MPST: variants seen among roughly 807,000 people sequenced by gnomAD.
MPST encodes the protein mercaptopyruvate sulfurtransferase.
A neutral mutation model predicts 28.5 loss-of-function variants in MPST; 27 were observed. The observed-to-expected ratio is 0.95, with a 90% CI of 0.70 to 1.31. MPST has a LOEUF of 1.31. Ranked by LOEUF, MPST falls within the 50% of genes most tolerant of loss-of-function variation. The pLI is 0.00. For missense variants in MPST, 492 were observed against 471.1 expected, an observed-to-expected ratio of 1.04 and a Z score of -0.41; for synonymous variants, 204 against 209.3, an observed-to-expected ratio of 0.97 and a Z score of 0.22.
At position 37,024,744 on chromosome 22, in the gene MPST, C is replaced by T. The variant is rs1197851573; in HGVS notation, c.589C>T (p.Arg197Cys). The T allele has an allele frequency of 1.2e-6, 2 of 1,601,170 alleles. No individual in the cohort carries two copies. The highest frequency in any genetic ancestry group is 8.5e-7 in the Non-Finnish European group (1 of 1,179,756). ...CATCAAGGAGAACCTGGAATCCCGGCGCTTCCAGGTGGTGGACTCCCGAGC... is the reference window on the plus strand; with the variant it reads ...CATCAAGGAGAACCTGGAATCCCGGTGCTTCCAGGTGGTGGACTCCCGAGC... ...EDIKENLESR[R>C]FQVVDSRATG... The change falls in exon 2 of 3, where the codon CGC (arginine) becomes TGC (cysteine). Residue 197 changes from arginine to cysteine, a missense_variant. Physicochemically the swap from Arg to Cys is radical, Grantham distance 180. Coordinates refer to ENST00000429360, the MANE Select transcript of MPST (RefSeq NM_021126.8).
intron 1 of MPST, chr22:37,023,853 C>A: frequency 1.4e-6 from 2 of 1,408,068 alleles, no homozygotes; most frequent in Non-Finnish European, 1.9e-6. Flanking sequence ...GAGACTTTGC[C>A]CCTGTTTGTG....
Position 37,029,681 on chromosome 22 carries a change from T to A in MPST, c.*167T>A. ...ATTCCGTTGACTTGTTGGCTGCCAG[T>A]AGGGGCGGGAGGAAAGGCGGAGGCG... On this transcript the variant is annotated 3_prime_UTR_variant, in exon 3 of 3. Transcript: ENST00000429360. The A allele has an allele frequency of 5.5e-6, 4 of 724,966 alleles. No individual in the cohort carries two copies. The highest frequency in any genetic ancestry group is 8.9e-6 in the Non-Finnish European group (4 of 450,074). 44.9% of individuals were successfully genotyped at this position (724,966 alleles called of 1,614,324 possible). A position where few individuals can be genotyped will look rare whatever the true frequency, so the allele number is the denominator to read the frequency against.
Position 37,029,579 on chromosome 22 carries a change from C to T in MPST, c.*65C>T, listed in dbSNP as rs1203582549. 2.1e-6 allele frequency: 3 copies of T among 1,452,882 alleles called. No homozygotes were observed. The South Asian group carries it at 3.9e-5, about 19-fold the overall frequency. The allele number at this position is 1,452,882 out of a possible 1,614,324, so 90.0% of individuals were successfully genotyped here. A position where few individuals can be genotyped will look rare whatever the true frequency, so the allele number is the denominator to read the frequency against. On this transcript the variant is annotated 3_prime_UTR_variant, in exon 3 of 3. Coordinates refer to ENST00000429360, the MANE Select transcript of MPST (RefSeq NM_021126.8). ...ACCAGCAATGCCTGGCCTGGTAGCT[C>T]CGCTTCTGCTTTCACCAAGAGAGTG...
At chr22:37,025,149 C>G in intron 2 of MPST, 1 of 1,363,862 alleles carries the variant, frequency 7.3e-7, no homozygotes, top group Non-Finnish European at 9.6e-7. Flanking sequence ...GATTTGACTT[C>G]CACTTGCCTC....
Position 37,029,202 on chromosome 22 carries a change from C to T in MPST, c.656-14C>T. The T allele has an allele frequency of 2.5e-6, 4 of 1,609,752 alleles. No homozygotes were observed. Among genetic ancestry groups the T allele is most frequent in the Non-Finnish European group, 3.4e-6 (4 of 1,176,942 alleles). The stretch of plus-strand genomic sequence containing the variant: ...CCTTCTATTTGTCCCCTCCTCCCTG[C>T]TCCCCTGCTGTAGGCATTGAACCTG... On this transcript the variant is annotated splice_polypyrimidine_tract_variant and intron_variant, in intron 2 of 2. Transcript: ENST00000429360.
intron 1 of MPST, chr22:37,023,636 T>C: frequency 2.8e-6 from 1 of 362,062 alleles, no homozygotes; most frequent in Non-Finnish European, 4.0e-6. Flanking sequence ...CCTCTTAAGA[T>C]CACTCATTCA....
At chr22:37,023,444 G>A (rs12158886) in intron 1 of MPST, 3,723 of 152,174 alleles carry the variant, frequency 0.024, 133 homozygotes, top group African/African-American at 0.084. Flanking sequence ...TTGTATTTTT[G>A]GTAGAGACGG....
In MPST at chr22:37,024,379, CG is replaced by C; in HGVS notation, c.227del (p.Gly76AlafsTer43). On this transcript the variant is annotated frameshift_variant, in exon 2 of 3. Transcript: ENST00000429360. LOFTEE classifies it high-confidence loss of function. ...CGCGAGTTCGAGGAGCGCCACATCC[CG>C]GGCGCCGCTTTCTTCGACATCGACC... ...ARREFEERHIPGAAFFDIDQC... is the reference protein window; with the variant it reads ...ARREFEERHIXGAAFFDIDQC... The C allele has an allele frequency of 2.6e-6, 4 of 1,544,950 alleles. No individual in the cohort carries two copies. The highest frequency in any genetic ancestry group is 3.5e-6 in the Non-Finnish European group (4 of 1,145,664).
chr22:37,029,240 G>A lies in MPST; in HGVS notation c.680G>A (p.Gly227Asp). The part of the protein sequence containing the change: ...RDGIEPGHIP[G>D]TVNIPFTDFL... The stretch of plus-strand genomic sequence containing the variant: ...GGCATTGAACCTGGCCACATCCCAG[G>A]TACCGTGAACATCCCCTTCACAGAC... The change falls in exon 3 of 3, where the codon GGT (glycine) becomes GAT (aspartate). Residue 227 changes from glycine (G) to aspartate (D), a missense_variant. By Grantham distance (94) the Gly-to-Asp change is moderately conservative. Transcript: ENST00000429360. 1.2e-6 allele frequency: 2 copies of A among 1,614,068 alleles called. No homozygotes were observed. The highest frequency in any genetic ancestry group is 1.7e-6 in the Non-Finnish European group (2 of 1,179,992).
At chr22:37,020,336 G>A (rs1922977421) in intron 1 of MPST, among the ~76,000 whole-genome samples, 1 of 152,150 alleles carries the variant, frequency 6.6e-6, no homozygotes, top group Non-Finnish European at 1.5e-5. Flanking sequence ...GAGAGCGGCA[G>A]AGCGAGTTGC....
chr22:37,024,083 T>A (rs1476112345), intron 1 of MPST, 109 bp from the exon 2 acceptor site: 1 of 1,265,738 alleles, frequency 7.9e-7, no homozygotes, highest in Non-Finnish European at 1.0e-6. Context: ...GACTCTGCCC[T>A]GCACGGGCCG....
intron 2 of MPST, 42 bp downstream of exon 2, chr22:37,024,852 C>T (rs1183906750): frequency 6.3e-6 from 10 of 1,586,968 alleles, no homozygotes; most frequent in Non-Finnish European, 8.5e-6. Flanking sequence ...GGGGGCGCGG[C>T]CTCTACGCCC....
chr22:37,024,464 G>A lies in MPST; in HGVS notation c.309G>A (p.Ala103=), dbSNP rs778594080. The A allele has an allele frequency of 6.4e-6, 10 of 1,552,458 alleles. No individual in the cohort carries two copies. The South Asian group carries it at 9.4e-5, about 15-fold the overall frequency. Residue 103 remains alanine, a synonymous_variant, in exon 2 of 3, where the codon GCG becomes GCA. Transcript: ENST00000429360. ...TGCTGCCCGGGGCCGAGCATTTCGC[G>A]GAGTACGCAGGCCGCCTGGGCGTGG... is the stretch of plus-strand genomic sequence containing the variant. ...DHMLPGAEHF[A]EYAGRLGVGA...
Position 37,025,128 on chromosome 22 carries a change from G to T in MPST, c.655+318G>T, listed in dbSNP as rs947048479. 12 of 1,412,232 alleles carry T rather than the reference G, an allele frequency of 8.5e-6. No individual in the cohort carries two copies. In the African/African-American group the frequency reaches 1.7e-4, roughly 20 times the overall value. The allele number at this position is 1,412,232 out of a possible 1,614,324, so 87.5% of individuals were successfully genotyped here. A position where few individuals can be genotyped will look rare whatever the true frequency, so the allele number is the denominator to read the frequency against. ...TTGCCTTTAAAGGCCACTGCATGAG[G>T]TGGGGAAGGAGATTTGACTTCCACT... On this transcript the variant is annotated intron_variant, in intron 2 of 2. Transcript: ENST00000429360.
At chr22:37,025,069 T>A in intron 2 of MPST, 1 of 1,509,166 alleles carries the variant, frequency 6.6e-7, no homozygotes, top group Non-Finnish European at 8.9e-7. Context: ...CTCAACCTCC[T>A]GGGCTCAGGT....
chr22:37,024,315 G>C lies in MPST; in HGVS notation c.160G>C (p.Ala54Pro). ...TGGGCAGCCTCTGCAGCTGCTGGAC[G>C]CCTCCTGGTACCTGCCGAAGCTGGG... ...RAGQPLQLLD[A>P]SWYLPKLGRD... Residue 54 changes from alanine to proline, a missense_variant, in exon 2 of 3, where the codon GCC (alanine) becomes CCC (proline). Transcript: ENST00000429360. 4 of 1,532,416 alleles carry C rather than the reference G, an allele frequency of 2.6e-6. No individual in the cohort carries two copies. Among genetic ancestry groups the C allele is most frequent in the Non-Finnish European group, 3.5e-6 (4 of 1,142,656 alleles). 94.9% of individuals were successfully genotyped at this position (1,532,416 alleles called of 1,614,324 possible).
At position 37,024,572 on chromosome 22, in the gene MPST, C is replaced by T; in HGVS notation, c.417C>T (p.Ala139=). 6.3e-7 allele frequency: 1 copy of T among 1,586,964 alleles called. No individual in the cohort carries two copies. Among genetic ancestry groups the T allele is most frequent in the South Asian group, 1.1e-5 (1 of 89,200 alleles). ...CGCGCGTCTGGTGGATGTTCCGCGC[C>T]TTCGGCCACCACGCCGTGTCACTGC... The part of the protein sequence containing the change: ...SAPRVWWMFR[A]FGHHAVSLLD... The change falls in exon 2 of 3, where the codon GCC becomes GCT. Residue 139 remains alanine (A), a synonymous_variant. Transcript: ENST00000429360.
In MPST at chr22:37,029,573, G is replaced by A; in HGVS notation, c.*59G>A. ...CCGGCCACCAGCAATGCCTGGCCTG[G>A]TAGCTCCGCTTCTGCTTTCACCAAG... On this transcript the variant is annotated 3_prime_UTR_variant, in exon 3 of 3. Transcript: ENST00000429360. 6.8e-7 allele frequency: 1 copy of A among 1,478,278 alleles called. No individual in the cohort carries two copies. Among genetic ancestry groups the A allele is most frequent in the East Asian group, 2.4e-5 (1 of 40,978 alleles). 91.6% of individuals were successfully genotyped at this position (1,478,278 alleles called of 1,614,324 possible).
intron 1 of MPST, among the ~76,000 whole-genome samples, chr22:37,021,178 C>A (rs777267991): frequency 6.6e-5 from 10 of 152,040 alleles, no homozygotes; most frequent in South Asian, 2.1e-4. Context: ...GAGCCTGGGG[C>A]GGTTACGTCC....
Sources: gnomAD v4.1 joint callset for allele counts (sites outside exome capture counted in the v4.1 genomes callset) on GRCh38, gnomAD v4.1.1 for gene constraint, MANE v1.5 for transcripts, NCBI Gene and HGNC (gene_info 2026-07-23, HGNC 2026-07-21) for gene names.